The following IFT80 variants were observed in gnomAD, a reference collection of about 807,000 sequenced individuals.
IFT80 encodes the protein intraflagellar transport 80.
IFT80 carries 79 observed loss-of-function variants against 107.9 expected under a neutral mutation model. The observed-to-expected ratio is 0.73, with a 90% CI of 0.61 to 0.88. The LOEUF (loss-of-function observed/expected upper bound fraction) is 0.88. IFT80 is among the 40% of genes least tolerant of loss of function. The pLI, the probability that IFT80 is intolerant of heterozygous loss-of-function variation, is 0.00. For missense variants in IFT80, 797 were observed against 914.2 expected (o/e 0.87, Z 1.65); for synonymous variants, 299 against 300.9 (o/e 0.99, Z 0.07).
intron 12 of IFT80, among the ~76,000 whole-genome samples, chr3:160,290,413 G>GA (rs555146009): frequency 0.028 from 1,406 of 49,348 alleles, 5 homozygotes; most frequent in South Asian, 0.063. Flanking sequence ...CTCAAAAACA[G>GA]AAAAAAAAAA....
intron 11 of IFT80, among the ~76,000 whole-genome samples, chr3:160,303,654 C>T (rs1379118949): frequency 6.6e-6 from 1 of 152,094 alleles, no homozygotes; most frequent in Non-Finnish European, 1.5e-5. Context: ...TTTCTAATAT[C>T]GTAAATGCTG....
At position 160,399,167 on chromosome 3, in the gene IFT80, G is replaced by A. The variant is rs1386767032; in HGVS notation, c.-68C>T. The A allele has an allele frequency of 6.6e-6, 1 of 152,230 alleles. No individual in the cohort carries two copies. 9.4% of individuals were successfully genotyped at this position (152,230 alleles called of 1,614,324 possible). On this transcript the variant is annotated 5_prime_UTR_variant, in exon 1 of 20. Coordinates refer to ENST00000326448, the MANE Select transcript of IFT80 (RefSeq NM_020800.3). ...TTACCTCAAGTTCCAGGAAAGCGGT[G>A]GCGATTGCTCTCAAATACCTGGTAC... is the stretch of plus-strand genomic sequence containing the variant.
At chr3:160,343,394 C>G (rs1720059644) in intron 8 of IFT80, among the ~76,000 whole-genome samples, 1 of 152,012 alleles carries the variant, frequency 6.6e-6, no homozygotes, top group African/African-American at 2.4e-5. Flanking sequence ...AAAATAAGGC[C>G]AAGTACTTTG....
At chr3:160,348,555 T>C (rs928689084) in intron 8 of IFT80, among the ~76,000 whole-genome samples, 2 of 152,284 alleles carry the variant, frequency 1.3e-5, no homozygotes, top group Admixed American at 6.5e-5. Flanking sequence ...AAACATAGGG[T>C]TACACTTGTC....
chr3:160,289,833 G>A (rs979567924), intron 12 of IFT80, among the ~76,000 whole-genome samples: 8 of 152,238 alleles, frequency 5.3e-5, no homozygotes, highest in South Asian at 2.1e-4. Context: ...CCTTAAGCAC[G>A]TGAGTAGGCA....
chr3:160,374,421 A>G (rs1711828307), intron 5 of IFT80, among the ~76,000 whole-genome samples: 1 of 152,124 alleles, frequency 6.6e-6, no homozygotes, highest in Non-Finnish European at 1.5e-5. Context: ...AAAAAAAGAA[A>G]AAAGAAAAGA....
intron 18 of IFT80, among the ~76,000 whole-genome samples, chr3:160,276,115 GC>G (rs1236469836): frequency 6.6e-6 from 1 of 152,042 alleles, no homozygotes; most frequent in Non-Finnish European, 1.5e-5. Flanking sequence ...TGATCCGCCT[GC>G]CTCAGCCTCC....
intron 5 of IFT80, among the ~76,000 whole-genome samples, chr3:160,370,842 C>T (rs1722181745): frequency 6.6e-6 from 1 of 152,112 alleles, no homozygotes; most frequent in Non-Finnish European, 1.5e-5. Context: ...GAGAACTATC[C>T]ACTTTTCCAA....
chr3:160,273,483 G>A (rs575925546), intron 18 of IFT80, among the ~76,000 whole-genome samples: 10 of 152,282 alleles, frequency 6.6e-5, no homozygotes, highest in Admixed American at 2.0e-4. Flanking sequence ...ATGAGTGTTA[G>A]AGGCATTTGG....
chr3:160,297,517 T>A (rs992513111), intron 12 of IFT80, among the ~76,000 whole-genome samples: 1 of 152,132 alleles, frequency 6.6e-6, no homozygotes, highest in African/African-American at 2.4e-5. Context: ...TTTAATACAT[T>A]ATTAGCTTTT....
At chr3:160,299,054 G>A (rs1716210605) in intron 12 of IFT80, 1 of 897,510 alleles carries the variant, frequency 1.1e-6, no homozygotes, top group African/African-American at 1.8e-5. Flanking sequence ...TGTTGAATAA[G>A]GAAAGCATAG....
intron 19 of IFT80, among the ~76,000 whole-genome samples, chr3:160,260,654 T>C (rs1246934452): frequency 6.6e-6 from 1 of 152,240 alleles, no homozygotes; most frequent in Non-Finnish European, 1.5e-5. Context: ...TGGATTAGAA[T>C]ATTTTTAATA....
intron 8 of IFT80, among the ~76,000 whole-genome samples, chr3:160,338,230 A>C (rs1327306424): frequency 6.6e-6 from 1 of 152,126 alleles, no homozygotes; most frequent in Non-Finnish European, 1.5e-5. Flanking sequence ...TAAATGAAAA[A>C]ACTCTGAGCA....
Position 160,300,890 on chromosome 3 carries a change from A to C in IFT80, c.1308T>G (p.Asp436Glu). ...TTATAAAAATATACTTACTTTTTTC[A>C]TCAGCTTTGTCTCTTATTGCTATGG... Reference protein sequence around the residue: ...NDTIAIRDKADEKIIFLFEAS... With the variant: ...NDTIAIRDKAEEKIIFLFEAS... The change falls in exon 12 of 20, where the codon GAT becomes GAG. Residue 436 changes from aspartate to glutamate, a missense_variant. By Grantham distance (45) the Asp-to-Glu change is conservative. Coordinates refer to ENST00000326448, the MANE Select transcript of IFT80 (RefSeq NM_020800.3). 1 of 1,601,502 alleles carries C rather than the reference A, an allele frequency of 6.2e-7. No individual in the cohort carries two copies. The highest frequency in any genetic ancestry group is 8.5e-7 in the Non-Finnish European group (1 of 1,174,604).
intron 9 of IFT80, among the ~76,000 whole-genome samples, chr3:160,311,075 T>C (rs948041155): frequency 3.3e-5 from 5 of 152,090 alleles, no homozygotes; most frequent in Admixed American, 6.6e-5. Flanking sequence ...CTGTGAGCCA[T>C]GACTGTGCCA....
intron 13 of IFT80, among the ~76,000 whole-genome samples, chr3:160,283,754 C>T (rs771362966): frequency 6.6e-6 from 1 of 152,090 alleles, no homozygotes; most frequent in Non-Finnish European, 1.5e-5. Context: ...AATTAAAAAT[C>T]AAAGATGGAT....
At chr3:160,376,931 C>T (rs572922978) in intron 4 of IFT80, among the ~76,000 whole-genome samples, 1 of 152,310 alleles carries the variant, frequency 6.6e-6, no homozygotes, top group South Asian at 2.1e-4. Flanking sequence ...TTGACCAGAA[C>T]CTCATGAGAG....
At chr3:160,270,115 C>T (rs562369426) in intron 18 of IFT80, among the ~76,000 whole-genome samples, 110 of 152,310 alleles carry the variant, frequency 7.2e-4, no homozygotes, top group African/African-American at 2.5e-3. Flanking sequence ...ATTCTTCTGC[C>T]TCAGCCTCCC....
intron 15 of IFT80, among the ~76,000 whole-genome samples, chr3:160,280,036 T>G (rs571928035): frequency 6.6e-6 from 1 of 152,360 alleles, no homozygotes; most frequent in African/African-American, 2.4e-5. Context: ...CTGGTTTTGT[T>G]AAGGTTTTGA....
Sources: allele counts gnomAD v4.1 joint callset (sites outside exome capture counted in the v4.1 genomes callset), GRCh38; gene constraint gnomAD v4.1.1; transcripts MANE v1.5; gene names NCBI Gene and HGNC (gene_info 2026-07-23, HGNC 2026-07-21).